CHSY3: variants seen among roughly 807,000 people sequenced by gnomAD.
CHSY3 encodes N-acetylgalactosaminyl-proteoglycan 3-beta-glucuronosyltransferase 3.
CHSY3 carries 35 observed loss-of-function variants against 67.2 expected under a neutral mutation model. That is an observed-to-expected ratio of 0.52 (90% CI 0.40 to 0.69). The LOEUF (loss-of-function observed/expected upper bound fraction) is 0.69, where lower values mean the gene tolerates loss of function less well. Ranked by LOEUF, CHSY3 falls within the 30% of genes least tolerant of loss-of-function variation. The probability of loss-of-function intolerance (pLI) is 0.00; values close to 1 mark genes in which losing one functional copy is unlikely to be tolerated. For synonymous variants in CHSY3, 474 were observed against 434.7 expected (o/e 1.09, Z -1.12); for missense variants, 1,069 against 1,138.5 (o/e 0.94, Z 0.88).
At chr5:130,141,079 T>G in intron 2 of CHSY3, 1 of 268,750 alleles carries the variant, frequency 3.7e-6, no homozygotes, top group Non-Finnish European at 6.8e-6. Context: ...TTCTCCAGAC[T>G]TCTTTAATGA....
chr5:130,127,291 T>C (rs1191582472), intron 2 of CHSY3, among the ~76,000 whole-genome samples: 2 of 152,166 alleles, frequency 1.3e-5, no homozygotes, highest in East Asian at 3.8e-4. Flanking sequence ...CCCTATTTCA[T>C]GCCATGCTCT....
At chr5:130,046,892 T>C (rs1765170353) in intron 2 of CHSY3, among the ~76,000 whole-genome samples, 1 of 151,986 alleles carries the variant, frequency 6.6e-6, no homozygotes, top group Non-Finnish European at 1.5e-5. Context: ...TTGGAAGAGA[T>C]TGGATTTTTA....
chr5:129,954,061 A>G (rs939683858), intron 2 of CHSY3, among the ~76,000 whole-genome samples: 19 of 152,100 alleles, frequency 1.2e-4, no homozygotes, highest in Admixed American at 3.3e-4. Context: ...GCCCATGCCT[A>G]TGTCCTGAAT....
intron 2 of CHSY3, among the ~76,000 whole-genome samples, chr5:130,074,716 A>G (rs1003900190): frequency 1.3e-5 from 2 of 152,172 alleles, no homozygotes; most frequent in African/African-American, 2.4e-5. Context: ...AAGACTGTTC[A>G]TTCCTTCAGT....
At chr5:130,140,811 T>G (rs2149719103) in intron 2 of CHSY3, 1 of 234,634 alleles carries the variant, frequency 4.3e-6, no homozygotes, top group East Asian at 1.5e-4. Flanking sequence ...GTCTGATGCC[T>G]CCATACTTCT....
intron 2 of CHSY3, among the ~76,000 whole-genome samples, chr5:130,108,995 A>C (rs1767506306): frequency 6.6e-6 from 1 of 151,764 alleles, no homozygotes; most frequent in Non-Finnish European, 1.5e-5. Flanking sequence ...ATGAAGACAT[A>C]TGAAGCCCTC....
At chr5:130,040,440 A>G (rs1272623238) in intron 2 of CHSY3, among the ~76,000 whole-genome samples, 2 of 152,106 alleles carry the variant, frequency 1.3e-5, no homozygotes, top group Non-Finnish European at 2.9e-5. Flanking sequence ...ACATGTAATA[A>G]TATGTATTTG....
chr5:129,982,901 A>G (rs963508505), intron 2 of CHSY3, among the ~76,000 whole-genome samples: 3 of 152,130 alleles, frequency 2.0e-5, no homozygotes, highest in Non-Finnish European at 4.4e-5. Flanking sequence ...ACATAAGCGA[A>G]TATACATAAA....
At chr5:130,137,390 A>T (rs1161371939) in intron 2 of CHSY3, among the ~76,000 whole-genome samples, 1 of 152,070 alleles carries the variant, frequency 6.6e-6, no homozygotes, top group South Asian at 2.1e-4. Context: ...TTTCTAACTA[A>T]ATATTCGAAT....
intron 2 of CHSY3, among the ~76,000 whole-genome samples, chr5:129,920,797 A>G (rs1286353166): frequency 3.3e-5 from 5 of 151,834 alleles, no homozygotes; most frequent in Non-Finnish European, 7.4e-5. Context: ...ATTAGACCTT[A>G]GCAACCCCAC....
intron 2 of CHSY3, among the ~76,000 whole-genome samples, chr5:130,148,881 CAG>C (rs1191162910): frequency 2.0e-5 from 3 of 152,104 alleles, no homozygotes; most frequent in Non-Finnish European, 4.4e-5. Context: ...CTTTGCTGTG[CAG>C]AGTTCTTTAG....
At chr5:129,969,322 A>G (rs1277460610) in intron 2 of CHSY3, among the ~76,000 whole-genome samples, 5 of 151,854 alleles carry the variant, frequency 3.3e-5, no homozygotes, top group African/African-American at 1.2e-4. Context: ...AAAGTAGTTG[A>G]TACCACTTCC....
At chr5:129,967,583 C>A (rs1398582999) in intron 2 of CHSY3, among the ~76,000 whole-genome samples, 1 of 151,798 alleles carries the variant, frequency 6.6e-6, no homozygotes, top group Non-Finnish European at 1.5e-5. Context: ...TCTGAGCTTT[C>A]TTGGCAAAAG....
In CHSY3 at chr5:129,904,887, T is replaced by G; in HGVS notation, c.58T>G (p.Phe20Val). Reference sequence around the variant, plus strand: ...CGTGGCATTAGGGCTGGTGCTGGGCTTCACCGCCGCGTCCTGGCTCATCGC... The same window carrying G: ...CGTGGCATTAGGGCTGGTGCTGGGCGTCACCGCCGCGTCCTGGCTCATCGC... Reference protein sequence around the residue: ...MSVALGLVLGFTAASWLIAPR... With the variant: ...MSVALGLVLGVTAASWLIAPR... The change falls in exon 1 of 3, where the codon TTC (phenylalanine) becomes GTC (valine). Residue 20 changes from phenylalanine to valine, a missense_variant. Transcript: ENST00000305031. 1 of 1,522,906 alleles carries G rather than the reference T, an allele frequency of 6.6e-7. No individual in the cohort carries two copies. The highest frequency in any genetic ancestry group is 8.8e-7 in the Non-Finnish European group (1 of 1,136,076). The allele number at this position is 1,522,906 out of a possible 1,614,324, so 94.3% of individuals were successfully genotyped here. A position where few individuals can be genotyped will look rare whatever the true frequency, so the allele number is the denominator to read the frequency against.
Position 129,905,062 on chromosome 5 carries a change from C to A in CHSY3, c.233C>A (p.Pro78His), listed in dbSNP as rs1346767456. The change falls in exon 1 of 3, where the codon CCC becomes CAC. Residue 78 changes from proline to histidine, a missense_variant. By Grantham distance (77) the Pro-to-His change is moderately conservative. Transcript: ENST00000305031. ...CCACGGCAGGAGCAGTCGCCGCCCC[C>A]CGCGCGCCAGGATCTCCAGGGGCCA... Reference protein sequence around the residue: ...SRPRQEQSPPPARQDLQGPPL... With the variant: ...SRPRQEQSPPHARQDLQGPPL... 6.5e-7 allele frequency: 1 copy of A among 1,546,854 alleles called. No homozygotes were observed. Among genetic ancestry groups the A allele is most frequent in the Admixed American group, 1.9e-5 (1 of 53,672 alleles).
chr5:129,928,637 T>C (rs1380023663), intron 2 of CHSY3, among the ~76,000 whole-genome samples: 3 of 152,152 alleles, frequency 2.0e-5, no homozygotes, highest in African/African-American at 7.2e-5. Flanking sequence ...CTTCTTTCAT[T>C]ATAGAATTAA....
chr5:130,057,407 C>T (rs771089993), intron 2 of CHSY3, among the ~76,000 whole-genome samples: 1 of 151,912 alleles, frequency 6.6e-6, no homozygotes, highest in African/African-American at 2.4e-5. Context: ...AATAATCATT[C>T]TCACTCTTAT....
intron 1 of CHSY3, among the ~76,000 whole-genome samples, chr5:129,907,749 A>G (rs1305028610): frequency 1.3e-5 from 2 of 152,252 alleles, no homozygotes; most frequent in African/African-American, 2.4e-5. Context: ...ATTCCTGGGA[A>G]CTTCTTGTTA....
rs1191020495 is a variant in CHSY3 at position 129,908,120 on chromosome 5, G to A, written c.846G>A (p.Lys282=). The A allele has an allele frequency of 3.1e-6, 5 of 1,614,040 alleles. No individual in the cohort carries two copies. In the African/African-American group the frequency reaches 5.3e-5, roughly 17 times the overall value. ...EEFLRSLNSS[K]PLYLGQTGLG... Reference sequence around the variant, plus strand: ...TTCTTAGATCGCTAAACAGCAGTAAGCCTCTCTACCTGGGACAGACTGGCC... The same window carrying A: ...TTCTTAGATCGCTAAACAGCAGTAAACCTCTCTACCTGGGACAGACTGGCC... The change falls in exon 2 of 3, where the codon AAG becomes AAA. Residue 282 remains lysine (K), a synonymous_variant. Coordinates refer to ENST00000305031, the MANE Select transcript of CHSY3 (RefSeq NM_175856.5).
Sources: gnomAD v4.1 joint callset for allele counts (sites outside exome capture counted in the v4.1 genomes callset) on GRCh38, gnomAD v4.1.1 for gene constraint, MANE v1.5 for transcripts, NCBI Gene and HGNC (gene_info 2026-07-23, HGNC 2026-07-21) for gene names.